Variants in FRMD3 observed in about 807,000 individuals in gnomAD.
The protein encoded by FRMD3 is FERM domain-containing protein 3.
In FRMD3, 33 loss-of-function variants were observed where a neutral mutation model predicts 70.2. The ratio of observed to expected loss-of-function variants is 0.47; its 90% CI spans 0.36 to 0.63. The LOEUF (loss-of-function observed/expected upper bound fraction) is 0.63. Among genes scored for constraint, FRMD3 ranks in the 20% least tolerant of loss-of-function variants. The probability of loss-of-function intolerance (pLI) is 0.00; values close to 1 mark genes in which losing one functional copy is unlikely to be tolerated. For missense variants in FRMD3, 632 were observed against 711.4 expected, an observed-to-expected ratio of 0.89 and a Z score of 1.27; for synonymous variants, 279 against 255.9, an observed-to-expected ratio of 1.09 and a Z score of -0.86.
the FRMD3 span, among the ~76,000 whole-genome samples, chr9:83,557,784 AG>A: frequency 6.6e-6 from 1 of 152,330 alleles, no homozygotes; most frequent in Admixed American, 6.5e-5. Flanking sequence ...GAAACACTGC[AG>A]GGGGTTGTGC....
intron 1 of FRMD3, among the ~76,000 whole-genome samples, chr9:83,419,628 C>T (rs986212305): frequency 3.4e-5 from 5 of 146,820 alleles, no homozygotes; most frequent in East Asian, 2.0e-4. Context: ...TGTTCATGTG[C>T]GTTGAATGTG....
intron 1 of FRMD3, among the ~76,000 whole-genome samples, chr9:83,497,610 G>C (rs994007571): frequency 3.3e-5 from 5 of 152,208 alleles, no homozygotes; most frequent in African/African-American, 1.2e-4. Context: ...AGGGCCATCT[G>C]TCATGTACAA....
intron 1 of FRMD3, among the ~76,000 whole-genome samples, chr9:83,422,741 G>A (rs1370421929): frequency 6.6e-6 from 1 of 152,150 alleles, no homozygotes; most frequent in Admixed American, 6.5e-5. Flanking sequence ...TGTATCACCA[G>A]GGAACAGCTG....
intron 1 of FRMD3, among the ~76,000 whole-genome samples, chr9:83,451,388 A>AACACACAC (rs756032075): frequency 1.7e-5 from 1 of 58,140 alleles, no homozygotes; most frequent in Non-Finnish European, 3.2e-5. Flanking sequence ...AAATACATAC[A>AACACACAC]TCACACACAC....
the FRMD3 span, among the ~76,000 whole-genome samples, chr9:83,550,294 C>T: frequency 1.3e-5 from 2 of 152,222 alleles, no homozygotes; most frequent in South Asian, 4.1e-4. Context: ...TATTCTGTTC[C>T]ATTGGTCTAT....
At chr9:83,481,658 C>T (rs1828569492) in intron 1 of FRMD3, among the ~76,000 whole-genome samples, 1 of 152,076 alleles carries the variant, frequency 6.6e-6, no homozygotes, top group African/African-American at 2.4e-5. Flanking sequence ...CTTTAATTTG[C>T]CCAAAATCTC....
At chr9:83,392,492 C>T (rs1263731672) in intron 1 of FRMD3, among the ~76,000 whole-genome samples, 1 of 152,152 alleles carries the variant, frequency 6.6e-6, no homozygotes, top group African/African-American at 2.4e-5. Context: ...TACCTCACAT[C>T]AGAAGAGAGA....
At position 83,246,367 on chromosome 9, in the gene FRMD3, A is replaced by G; in HGVS notation, c.*1551T>C. 2 of 984,310 alleles carry G rather than the reference A, an allele frequency of 2.0e-6. No homozygotes were observed. Among genetic ancestry groups the G allele is most frequent in the Non-Finnish European group, 2.4e-6 (2 of 828,984 alleles). 61.0% of individuals were successfully genotyped at this position (984,310 alleles called of 1,614,324 possible). On this transcript the variant is annotated 3_prime_UTR_variant, in exon 14 of 14. Coordinates refer to ENST00000304195, the MANE Select transcript of FRMD3 (RefSeq NM_174938.6). The stretch of plus-strand genomic sequence containing the variant: ...GCATCAGTACGTTGCTGATGGTACA[A>G]TGCTCTAGTACCTTCCTTGATACCA...
chr9:83,496,313 C>G (rs1472145715), intron 1 of FRMD3, among the ~76,000 whole-genome samples: 1 of 152,142 alleles, frequency 6.6e-6, no homozygotes, highest in African/African-American at 2.4e-5. Flanking sequence ...GTTTGGGAAG[C>G]TGATGAAATA....
chr9:83,349,899 G>T, intron 3 of FRMD3, 142 bp from the exon 4 acceptor site: 11 of 488,416 alleles, frequency 2.3e-5, no homozygotes, highest in East Asian at 3.5e-5. Flanking sequence ...GGAAGAAGCA[G>T]ATATGATGCC....
intron 6 of FRMD3, among the ~76,000 whole-genome samples, chr9:83,318,477 T>TAA (rs1835666641): frequency 6.8e-6 from 1 of 147,800 alleles, no homozygotes. Flanking sequence ...ATATTATATA[T>TAA]AATATGTGTG....
At chr9:83,376,159 TAA>T (rs58886156) in intron 2 of FRMD3, among the ~76,000 whole-genome samples, 203 of 129,510 alleles carry the variant, frequency 1.6e-3, no homozygotes, top group Middle Eastern at 3.9e-3. Context: ...AGATTCTGTT[TAA>T]AAAAAAAAAA....
rs1490586523 is a variant in FRMD3 at position 83,323,273 on chromosome 9, C to A, written c.597-9526G>T. On this transcript the variant is annotated intron_variant, in intron 6 of 13. Transcript: ENST00000304195. ...TAATAGCAAAAACTAGAAAACAACT[C>A]AAATGTCTATCAAGAGTAGAATGAA... is the stretch of plus-strand genomic sequence containing the variant. Among the ~76,000 whole-genome samples, 4 of 152,190 alleles carry A rather than the reference C, an allele frequency of 2.6e-5. No homozygotes were observed. The East Asian group carries it at 7.7e-4, about 29-fold the overall frequency.
intron 13 of FRMD3, among the ~76,000 whole-genome samples, chr9:83,272,627 C>A (rs930459940): frequency 2.5e-4 from 25 of 98,734 alleles, no homozygotes; most frequent in Admixed American, 6.8e-4. Flanking sequence ...TGAGGAGCGC[C>A]TCTGCCCGGC....
At chr9:83,456,074 T>C (rs1226614706) in intron 1 of FRMD3, among the ~76,000 whole-genome samples, 1 of 152,204 alleles carries the variant, frequency 6.6e-6, no homozygotes, top group Non-Finnish European at 1.5e-5. Flanking sequence ...AGTAGTAACC[T>C]GCCCATAGGT....
At chr9:83,577,642 G>C in the FRMD3 span, among the ~76,000 whole-genome samples, 3 of 151,952 alleles carry the variant, frequency 2.0e-5, no homozygotes, top group Non-Finnish European at 4.4e-5. Context: ...TCTTGGGTTA[G>C]ACAAAGCCTT....
intron 3 of FRMD3, among the ~76,000 whole-genome samples, chr9:83,360,394 C>G (rs1460283537): frequency 1.3e-5 from 2 of 152,180 alleles, no homozygotes; most frequent in Non-Finnish European, 2.9e-5. Flanking sequence ...GAGACATGAA[C>G]AAAGCCTTCC....
At chr9:83,526,069 GC>G (rs1230093583) in intron 1 of FRMD3, among the ~76,000 whole-genome samples, 3 of 152,056 alleles carry the variant, frequency 2.0e-5, no homozygotes, top group Non-Finnish European at 4.4e-5. Flanking sequence ...CCACTCAGAC[GC>G]CCTACAGGCA....
chr9:83,291,008 G>GT (rs999731482), intron 12 of FRMD3, among the ~76,000 whole-genome samples: 32 of 151,826 alleles, frequency 2.1e-4, no homozygotes, highest in Admixed American at 7.2e-4. Context: ...CAGCCTGGGC[G>GT]TTTTTTAAAA....
Sources: allele counts gnomAD v4.1 joint callset (sites outside exome capture counted in the v4.1 genomes callset), GRCh38; gene constraint gnomAD v4.1.1; transcripts MANE v1.5; gene names NCBI Gene and HGNC (gene_info 2026-07-23, HGNC 2026-07-21).